AKAP6: variants seen among roughly 807,000 people sequenced by gnomAD.
AKAP6 encodes the protein A-kinase anchoring protein 6.
In AKAP6, 58 loss-of-function variants were observed where a neutral mutation model predicts 188.5. The observed-to-expected ratio is 0.31, with a 90% CI of 0.25 to 0.38. The LOEUF (loss-of-function observed/expected upper bound fraction) is 0.38, where lower values mean the gene tolerates loss of function less well. Among genes scored for constraint, AKAP6 ranks in the 10% least tolerant of loss-of-function variants. AKAP6 has a pLI of 1.00. For synonymous variants in AKAP6, 989 were observed against 998.6 expected, an observed-to-expected ratio of 0.99 and a Z score of 0.18; for missense variants, 2,710 against 2,740.0, an observed-to-expected ratio of 0.99 and a Z score of 0.24.
At chr14:32,705,387 G>A (rs1470989986) in intron 9 of AKAP6, among the ~76,000 whole-genome samples, 1 of 152,060 alleles carries the variant, frequency 6.6e-6, no homozygotes, top group African/African-American at 2.4e-5. Flanking sequence ...TCCAGAAAAG[G>A]GAACAAAAAC....
chr14:32,404,695 T>TAGATAG, intron 1 of AKAP6, among the ~76,000 whole-genome samples: 1 of 62,590 alleles, frequency 1.6e-5, no homozygotes, highest in African/African-American at 5.2e-5. Context: ...TCAGGAGATA[T>TAGATAG]ATATATATAT....
intron 12 of AKAP6, among the ~76,000 whole-genome samples, chr14:32,811,587 G>C (rs758292251): frequency 6.6e-6 from 1 of 152,166 alleles, no homozygotes; most frequent in Non-Finnish European, 1.5e-5. Flanking sequence ...AGGCAGTCTT[G>C]TGGGACTGAG....
At chr14:32,681,891 G>T (rs1889692804) in intron 8 of AKAP6, among the ~76,000 whole-genome samples, 1 of 152,044 alleles carries the variant, frequency 6.6e-6, no homozygotes, top group African/African-American at 2.4e-5. Context: ...TGTTGCCCAG[G>T]CTGAATTTGA....
intron 11 of AKAP6, among the ~76,000 whole-genome samples, chr14:32,757,826 G>A (rs77614696): frequency 0.011 from 1,640 of 152,278 alleles, 28 homozygotes; most frequent in African/African-American, 0.037. Context: ...ATTCCTGGGA[G>A]GGCTTGGGTG....
intron 8 of AKAP6, chr14:32,693,279 C>T (rs1382202724): frequency 6.6e-6 from 1 of 152,152 alleles, no homozygotes; most frequent in African/African-American, 2.4e-5. Context: ...CAACTCAGCC[C>T]TCACTGACCC....
intron 9 of AKAP6, among the ~76,000 whole-genome samples, chr14:32,725,374 C>G (rs999583900): frequency 6.6e-6 from 1 of 152,232 alleles, no homozygotes; most frequent in African/African-American, 2.4e-5. Context: ...GGGTCTGCCC[C>G]TTGGGCACGT....
chr14:32,590,873 G>T (rs1885458871), intron 5 of AKAP6, among the ~76,000 whole-genome samples: 1 of 152,138 alleles, frequency 6.6e-6, no homozygotes, highest in Non-Finnish European at 1.5e-5. Context: ...TTAATAACTT[G>T]ACATTACAAA....
At chr14:32,408,923 G>A (rs1053546792) in intron 1 of AKAP6, among the ~76,000 whole-genome samples, 1 of 152,126 alleles carries the variant, frequency 6.6e-6, no homozygotes, top group African/African-American at 2.4e-5. Flanking sequence ...GGGTGTGGTG[G>A]CTCACCCCTA....
rs932992333 is a variant in AKAP6, at chr14:32,484,535, G to A, written c.324+50718G>A. 4 of 204,878 alleles carry A rather than the reference G, an allele frequency of 2.0e-5. 2 individuals are homozygous for A. The highest frequency in any genetic ancestry group is 2.8e-5 in the Non-Finnish European group (4 of 141,568). 12.7% of individuals were successfully genotyped at this position (204,878 alleles called of 1,614,324 possible). Reference sequence around the variant, plus strand: ...TATGCGGGGGAATGCCATATCGGGGGCACCGATTTTTAGGGGAACTAGTCA... The same window carrying A: ...TATGCGGGGGAATGCCATATCGGGGACACCGATTTTTAGGGGAACTAGTCA... On this transcript the variant is annotated intron_variant, in intron 2 of 13. Transcript: ENST00000280979.
chr14:32,358,463 G>A (rs1395575605), intron 1 of AKAP6, among the ~76,000 whole-genome samples: 1 of 152,164 alleles, frequency 6.6e-6, no homozygotes, highest in African/African-American at 2.4e-5. Flanking sequence ...AGATCTAAAG[G>A]AATTTGGATA....
chr14:32,475,678 C>A (rs1366201484), intron 2 of AKAP6, among the ~76,000 whole-genome samples: 1 of 123,654 alleles, frequency 8.1e-6, no homozygotes, highest in Non-Finnish European at 1.6e-5. Flanking sequence ...ATTTTCAGCT[C>A]TTTTTTTTTT....
chr14:32,526,233 TTTTTTA>T (rs1279729156), intron 2 of AKAP6, among the ~76,000 whole-genome samples: 6 of 151,974 alleles, frequency 3.9e-5, no homozygotes, highest in Admixed American at 3.9e-4. Context: ...TCTGGATAAT[TTTTTTA>T]TTTTTATTTT....
intron 4 of AKAP6, among the ~76,000 whole-genome samples, chr14:32,565,521 T>C (rs146705291): frequency 0.011 from 1,658 of 152,300 alleles, 27 homozygotes; most frequent in African/African-American, 0.035. Flanking sequence ...AGTTTAGCCT[T>C]ATCAACTTCT....
intron 7 of AKAP6, among the ~76,000 whole-genome samples, chr14:32,655,163 C>T (rs1326789962): frequency 6.6e-6 from 1 of 152,074 alleles, no homozygotes; most frequent in Non-Finnish European, 1.5e-5. Context: ...ATTGACTGTA[C>T]CAAAGAATGA....
intron 12 of AKAP6, among the ~76,000 whole-genome samples, chr14:32,781,975 C>G (rs957166283): frequency 3.9e-5 from 6 of 152,030 alleles, no homozygotes; most frequent in African/African-American, 1.4e-4. Context: ...CCAGCCTGGT[C>G]AACATGGCGA....
At chr14:32,366,319 C>T (rs1887832773) in intron 1 of AKAP6, among the ~76,000 whole-genome samples, 1 of 152,206 alleles carries the variant, frequency 6.6e-6, no homozygotes, top group Non-Finnish European at 1.5e-5. Flanking sequence ...TACATTTGAA[C>T]TGAGCTTCAT....
chr14:32,524,406 A>G (rs1882017740), intron 2 of AKAP6, among the ~76,000 whole-genome samples: 1 of 152,026 alleles, frequency 6.6e-6, no homozygotes, highest in African/African-American at 2.4e-5. Context: ...CCTTATAATA[A>G]TTTACTAAGC....
Position 32,783,845 on chromosome 14 carries a change from C to G in AKAP6, c.3588+9952C>G, listed in dbSNP as rs531917032. ...GAGCTCTGGCTTCAGAGTCAGTGTC[C>G]TGAATCAACAACCTAAACTGCCTCT... On this transcript the variant is annotated intron_variant, in intron 12 of 13. Transcript: ENST00000280979. Among the ~76,000 whole-genome samples, 3 of 152,228 alleles carry G rather than the reference C, an allele frequency of 2.0e-5. No individual in the cohort carries two copies. The South Asian group carries it at 6.2e-4, about 32-fold the overall frequency.
intron 4 of AKAP6, among the ~76,000 whole-genome samples, chr14:32,566,359 T>C (rs1884186274): frequency 6.6e-6 from 1 of 151,890 alleles, no homozygotes; most frequent in African/African-American, 2.4e-5. Flanking sequence ...TTAATACATA[T>C]TTTTAAATTG....
Sources: allele counts gnomAD v4.1 joint callset (sites outside exome capture counted in the v4.1 genomes callset), GRCh38; gene constraint gnomAD v4.1.1; transcripts MANE v1.5; gene names NCBI Gene and HGNC (gene_info 2026-07-23, HGNC 2026-07-21).